The following JAZF1 variants were observed in gnomAD, a reference collection of about 807,000 sequenced individuals.
JAZF1 encodes the protein juxtaposed with another zinc finger protein 1.
JAZF1 carries 8 observed loss-of-function variants against 26.4 expected under a neutral mutation model. That is an observed-to-expected ratio of 0.30 (90% CI 0.18 to 0.55). The LOEUF (loss-of-function observed/expected upper bound fraction) is 0.55, where lower values mean the gene tolerates loss of function less well. Among genes scored for constraint, JAZF1 ranks in the 20% least tolerant of loss-of-function variants. The pLI, the probability that JAZF1 is intolerant of heterozygous loss-of-function variation, is 0.94. For missense variants in JAZF1, 199 were observed against 322.0 expected (o/e 0.62, Z 2.92); for synonymous variants, 126 against 122.3 (o/e 1.03, Z -0.20).
intron 1 of JAZF1, among the ~76,000 whole-genome samples, chr7:28,101,654 G>A (rs1429932823): frequency 6.6e-6 from 1 of 151,646 alleles, no homozygotes; most frequent in East Asian, 1.9e-4. Flanking sequence ...TGTGGAGGGA[G>A]GATTGCTTGA....
rs7812080 is a variant in JAZF1, at chr7:27,929,736, C to A, written c.189-34320G>T. ...ATTAAGTGATTAAGCTGTTGCAAAG[C>A]GCAGAGTGAAGCCAAATAATAAATG... is the stretch of plus-strand genomic sequence containing the variant. On this transcript the variant is annotated intron_variant, in intron 2 of 4. Transcript: ENST00000283928. Among the ~76,000 whole-genome samples the A allele has an allele frequency of 9.7e-3, 1,470 of 152,062 alleles. 18 individuals carry two copies. The highest frequency in any genetic ancestry group is 0.02 in the Middle Eastern group (6 of 294).
intron 2 of JAZF1, among the ~76,000 whole-genome samples, chr7:27,897,100 A>T (rs1784080548): frequency 6.6e-6 from 1 of 151,892 alleles, no homozygotes; most frequent in Non-Finnish European, 1.5e-5. Flanking sequence ...TTATTATCCT[A>T]AGAAGAACTG....
chr7:27,932,586 C>G (rs924899595), intron 2 of JAZF1, among the ~76,000 whole-genome samples: 3 of 152,206 alleles, frequency 2.0e-5, no homozygotes, highest in African/African-American at 7.2e-5. Context: ...GTTTTAGTTA[C>G]ACATTGTTTA....
chr7:28,033,970 T>A (rs990405369), intron 1 of JAZF1, among the ~76,000 whole-genome samples: 2 of 152,192 alleles, frequency 1.3e-5, no homozygotes, highest in Non-Finnish European at 2.9e-5. Context: ...CTTGAACTCC[T>A]GACTTCAGGT....
intron 3 of JAZF1, among the ~76,000 whole-genome samples, chr7:27,876,448 G>C (rs911338983): frequency 2.0e-5 from 3 of 152,096 alleles, no homozygotes; most frequent in Non-Finnish European, 4.4e-5. Context: ...TCTCCCTCCA[G>C]AGTGCACGTT....
chr7:28,139,557 A>G (rs952208820), intron 1 of JAZF1, among the ~76,000 whole-genome samples: 2 of 152,318 alleles, frequency 1.3e-5, no homozygotes, highest in Non-Finnish European at 1.5e-5. Flanking sequence ...AGAAGCTGGG[A>G]AAAGGACCTG....
chr7:27,838,958 G>A (rs948207987), intron 4 of JAZF1, among the ~76,000 whole-genome samples: 1 of 152,210 alleles, frequency 6.6e-6, no homozygotes, highest in African/African-American at 2.4e-5. Flanking sequence ...GCCTTGGGTG[G>A]AGAGAGAACA....
At chr7:28,141,382 G>A (rs1782957025) in intron 1 of JAZF1, among the ~76,000 whole-genome samples, 2 of 152,218 alleles carry the variant, frequency 1.3e-5, no homozygotes, top group South Asian at 2.1e-4. Flanking sequence ...GTCATGGAAT[G>A]CCAGAAAATT....
At chr7:27,930,851 A>G (rs1409740039) in intron 2 of JAZF1, among the ~76,000 whole-genome samples, 1 of 152,078 alleles carries the variant, frequency 6.6e-6, no homozygotes, top group Non-Finnish European at 1.5e-5. Context: ...AAAGGAAGAG[A>G]TAAGTTGACA....
Position 28,092,480 on chromosome 7 carries a change from A to G in JAZF1, c.115+87983T>C, listed in dbSNP as rs147251258. On this transcript the variant is annotated intron_variant, in intron 1 of 4. Transcript: ENST00000283928. ...TCAGAAAGGGATAAGCAATATTAAA[A>G]GTATATAAAAAATTAAAATAGGGAA... Among the ~76,000 whole-genome samples, 709 of 145,356 alleles carry G rather than the reference A, an allele frequency of 4.9e-3. 8 individuals carry two copies. Among genetic ancestry groups the G allele is most frequent in the African/African-American group, 0.019 (687 of 35,510 alleles).
intron 3 of JAZF1, among the ~76,000 whole-genome samples, chr7:27,882,859 C>T (rs994244737): frequency 6.6e-6 from 1 of 152,066 alleles, no homozygotes; most frequent in Admixed American, 6.6e-5. Context: ...GAAAAGGTGT[C>T]TTTGGAAATA....
chr7:28,030,428 C>A (rs1281739976), intron 1 of JAZF1, among the ~76,000 whole-genome samples: 2 of 152,184 alleles, frequency 1.3e-5, no homozygotes, highest in Non-Finnish European at 2.9e-5. Flanking sequence ...TGAAACCACA[C>A]AGGATACAGC....
chr7:28,127,163 C>A (rs897600893), intron 1 of JAZF1, among the ~76,000 whole-genome samples: 2 of 152,200 alleles, frequency 1.3e-5, no homozygotes, highest in African/African-American at 2.4e-5. Context: ...CTAAGGCTAA[C>A]CTTAAGAGTA....
At chr7:27,997,325 A>G (rs1480206344) in intron 1 of JAZF1, among the ~76,000 whole-genome samples, 2 of 152,220 alleles carry the variant, frequency 1.3e-5, no homozygotes, top group African/African-American at 4.8e-5. Context: ...GAGAGGGGAG[A>G]GCGCAGGGCT....
intron 1 of JAZF1, among the ~76,000 whole-genome samples, chr7:28,061,278 T>C (rs1489730324): frequency 6.6e-6 from 1 of 152,366 alleles, no homozygotes; most frequent in South Asian, 2.1e-4. Flanking sequence ...CAGATGCTGC[T>C]TTCTACTCCT....
At chr7:28,042,961 T>G (rs553175205) in intron 1 of JAZF1, among the ~76,000 whole-genome samples, 1 of 152,350 alleles carries the variant, frequency 6.6e-6, no homozygotes, top group South Asian at 2.1e-4. Context: ...TGTTAAGTGA[T>G]ATATGACTGT....
chr7:28,169,871 A>G (rs1783425596), intron 1 of JAZF1, among the ~76,000 whole-genome samples: 1 of 152,192 alleles, frequency 6.6e-6, no homozygotes, highest in African/African-American at 2.4e-5. Context: ...AGCATTCGAG[A>G]GGCTCTCGCT....
chr7:27,912,152 C>T lies in JAZF1; in HGVS notation c.189-16736G>A, dbSNP rs951064160. ...AATTCCATTTCAATCTGTTCACAAA[C>T]CCTCCTAAATAATGGGATCCCAACA... On this transcript the variant is annotated intron_variant, in intron 2 of 4. Transcript: ENST00000283928. Among the ~76,000 whole-genome samples the T allele has an allele frequency of 3.9e-5, 6 of 152,238 alleles. No individual in the cohort carries two copies. In the East Asian group the frequency reaches 1.2e-3, roughly 29 times the overall value.
At chr7:27,834,210 C>T (rs1296843050) in intron 4 of JAZF1, among the ~76,000 whole-genome samples, 2 of 152,184 alleles carry the variant, frequency 1.3e-5, no homozygotes, top group African/African-American at 4.8e-5. Flanking sequence ...GGCACATTGT[C>T]GATGCTAAGT....
Sources: allele counts gnomAD v4.1 joint callset (sites outside exome capture counted in the v4.1 genomes callset), GRCh38; gene constraint gnomAD v4.1.1; transcripts MANE v1.5; gene names NCBI Gene and HGNC (gene_info 2026-07-23, HGNC 2026-07-21).